RALYL: variants seen among roughly 807,000 people sequenced by gnomAD.
RALYL encodes RNA-binding Raly-like protein.
A neutral mutation model predicts 35.1 loss-of-function variants in RALYL; 29 were observed. That is an observed-to-expected ratio of 0.83 (90% confidence interval 0.61 to 1.13). The LOEUF (loss-of-function observed/expected upper bound fraction) is 1.13, where lower values mean the gene tolerates loss of function less well. Among genes scored for constraint, RALYL ranks in the 50% most tolerant of loss-of-function variants. The pLI, the probability that RALYL is intolerant of heterozygous loss-of-function variation, is 0.00. For missense variants in RALYL, 359 were observed against 360.4 expected (o/e 1.00, Z 0.03); for synonymous variants, 120 against 127.6 (o/e 0.94, Z 0.40).
At chr8:84,501,611 A>T (rs2056668022) in intron 1 of RALYL, among the ~76,000 whole-genome samples, 1 of 151,952 alleles carries the variant, frequency 6.6e-6, no homozygotes, top group Non-Finnish European at 1.5e-5. Context: ...AAATTGGAAA[A>T]TCACTAGGAT....
chr8:84,568,089 T>G lies in RALYL; in HGVS notation c.256+38512T>G, dbSNP rs1345869154. Among the ~76,000 whole-genome samples, 4 of 151,816 alleles carry G rather than the reference T, an allele frequency of 2.6e-5. No homozygotes were observed. In the South Asian group the frequency reaches 8.3e-4, roughly 32 times the overall value. ...TATACTTTAGGTTATAGGGTACATG[T>G]GCACAATGTGCAGGTTTGTTACATA... On this transcript the variant is annotated intron_variant, in intron 2 of 8. Transcript: ENST00000521268.
At chr8:84,353,697 A>G (rs1851325776) in intron 1 of RALYL, among the ~76,000 whole-genome samples, 2 of 150,460 alleles carry the variant, frequency 1.3e-5, no homozygotes, top group East Asian at 1.9e-4. Flanking sequence ...AACTTATGAA[A>G]AAAACATTTT....
chr8:84,608,965 A>T (rs2130851734), intron 2 of RALYL, among the ~76,000 whole-genome samples: 1 of 152,114 alleles, frequency 6.6e-6, no homozygotes, highest in Non-Finnish European at 1.5e-5. Context: ...GTGGAATCTG[A>T]AATCCAGAGA....
intron 1 of RALYL, among the ~76,000 whole-genome samples, chr8:84,458,332 T>C (rs1179140835): frequency 1.3e-5 from 2 of 151,798 alleles, no homozygotes; most frequent in African/African-American, 4.8e-5. Context: ...AGTAAAACAA[T>C]GAGGGCATAA....
intron 1 of RALYL, among the ~76,000 whole-genome samples, chr8:84,206,361 A>G (rs1343377221): frequency 6.6e-6 from 1 of 152,106 alleles, no homozygotes; most frequent in Non-Finnish European, 1.5e-5. Flanking sequence ...ACCTCATTTG[A>G]GTAGCTGGGA....
chr8:84,438,519 G>A (rs2047978030), intron 1 of RALYL, among the ~76,000 whole-genome samples: 1 of 152,056 alleles, frequency 6.6e-6, no homozygotes, highest in African/African-American at 2.4e-5. Context: ...CTCATAATTA[G>A]ATGGGACTAC....
intron 2 of RALYL, among the ~76,000 whole-genome samples, chr8:84,725,035 T>C (rs929414037): frequency 2.0e-5 from 3 of 151,688 alleles, no homozygotes; most frequent in South Asian, 2.1e-4. Context: ...CTGAATCTTA[T>C]GGCAGGTAAG....
At chr8:84,273,385 G>A (rs1012662872) in intron 1 of RALYL, among the ~76,000 whole-genome samples, 4 of 152,212 alleles carry the variant, frequency 2.6e-5, no homozygotes, top group Non-Finnish European at 4.4e-5. Context: ...CATGGCAGCT[G>A]GTTTCCCTCA....
chr8:84,856,819 G>C (rs1387018434), intron 5 of RALYL, among the ~76,000 whole-genome samples: 43 of 151,614 alleles, frequency 2.8e-4, no homozygotes, highest in Non-Finnish European at 2.9e-5. Flanking sequence ...ATGAGGTCAG[G>C]AGATCGAGAC....
intron 1 of RALYL, among the ~76,000 whole-genome samples, chr8:84,283,801 G>A (rs1315540399): frequency 6.6e-6 from 1 of 152,052 alleles, no homozygotes; most frequent in East Asian, 1.9e-4. Flanking sequence ...GCATATCTAA[G>A]GGATTCAGAA....
intron 1 of RALYL, among the ~76,000 whole-genome samples, chr8:84,509,244 C>G (rs2057413531): frequency 6.6e-6 from 1 of 151,964 alleles, no homozygotes; most frequent in Non-Finnish European, 1.5e-5. Flanking sequence ...CAATTTTTTT[C>G]CCTTATTTTC....
At chr8:84,829,073 C>G (rs1260102227) in intron 4 of RALYL, 4 of 152,262 alleles carry the variant, frequency 2.6e-5, no homozygotes, top group Admixed American at 2.6e-4. Context: ...TTCCATGTGG[C>G]TGGGGAGGCC....
intron 1 of RALYL, among the ~76,000 whole-genome samples, chr8:84,308,101 G>GA (rs1445992372): frequency 7.1e-6 from 1 of 141,586 alleles, no homozygotes; most frequent in Non-Finnish European, 1.5e-5. Flanking sequence ...AGATCACCAA[G>GA]AAAAAAATTA....
At chr8:84,633,268 A>G (rs2131271824) in intron 2 of RALYL, among the ~76,000 whole-genome samples, 2 of 151,966 alleles carry the variant, frequency 1.3e-5, no homozygotes, top group Middle Eastern at 6.8e-3. Flanking sequence ...GCTAGATGAG[A>G]TTACAGGCTG....
At chr8:84,486,116 G>T (rs2054589495) in intron 1 of RALYL, among the ~76,000 whole-genome samples, 1 of 148,600 alleles carries the variant, frequency 6.7e-6, no homozygotes, top group South Asian at 2.1e-4. Flanking sequence ...TACAGCAGCA[G>T]TGTACCTAGT....
intron 2 of RALYL, among the ~76,000 whole-genome samples, chr8:84,551,053 G>T (rs994181963): frequency 4.6e-5 from 7 of 151,936 alleles, no homozygotes; most frequent in Admixed American, 3.3e-4. Flanking sequence ...GCACAGAAAA[G>T]AATATGGCAG....
chr8:84,826,171 G>A (rs1829652410), intron 4 of RALYL, among the ~76,000 whole-genome samples: 3 of 151,362 alleles, frequency 2.0e-5, no homozygotes, highest in Admixed American at 2.0e-4. Flanking sequence ...GGGAGGGAGG[G>A]CAGAAGTTTG....
intron 1 of RALYL, among the ~76,000 whole-genome samples, chr8:84,209,367 G>A (rs548048529): frequency 1.2e-4 from 18 of 152,158 alleles, no homozygotes; most frequent in South Asian, 4.1e-4. Context: ...TTGATGTGCC[G>A]TAAAAAACAC....
chr8:84,839,673 A>T (rs1832782672), intron 4 of RALYL, among the ~76,000 whole-genome samples: 1 of 152,230 alleles, frequency 6.6e-6, no homozygotes, highest in South Asian at 2.1e-4. Flanking sequence ...CTGCCTCCTT[A>T]AGTGGGTCCC....
Sources: gnomAD v4.1 joint callset for allele counts (sites outside exome capture counted in the v4.1 genomes callset) on GRCh38, gnomAD v4.1.1 for gene constraint, MANE v1.5 for transcripts, NCBI Gene and HGNC (gene_info 2026-07-23, HGNC 2026-07-21) for gene names.